Variants in SPATA6L observed in about 807,000 individuals in gnomAD.
The protein encoded by SPATA6L is spermatogenesis associated 6-like protein.
In SPATA6L, 68 loss-of-function variants were observed where a neutral mutation model predicts 49.2. That is an observed-to-expected ratio of 1.38 (90% confidence interval 1.14 to 1.69). The LOEUF is 1.69. Among genes scored for constraint, SPATA6L ranks in the 40% most tolerant of loss-of-function variants. The pLI is 0.00. For missense variants in SPATA6L, 668 were observed against 464.3 expected (o/e 1.44, Z -4.03); for synonymous variants, 198 against 165.7 (o/e 1.19, Z -1.50).
At position 4,661,884 on chromosome 9, in the gene SPATA6L, G is replaced by C. The variant is rs768312601; in HGVS notation, c.177+15C>G. 6.8e-6 allele frequency: 11 copies of C among 1,612,708 alleles called. No homozygotes were observed. The highest frequency in any genetic ancestry group is 9.3e-6 in the Non-Finnish European group (11 of 1,179,206). On this transcript the variant is annotated intron_variant, in intron 2 of 11. Transcript: ENST00000682582. ...ATCTTCAGACAACAAAAGCCAATGA[G>C]AAAGTCAAGATCACCTTTTCAAATC...
At chr9:4,632,311 G>A (rs1057197970) in intron 4 of SPATA6L, among the ~76,000 whole-genome samples, 10 of 152,086 alleles carry the variant, frequency 6.6e-5, no homozygotes, top group African/African-American at 2.4e-4. Context: ...AGATGAAGCT[G>A]AAGGCCGGGC....
In SPATA6L at chr9:4,662,416, G is replaced by A. The variant is rs771158932; in HGVS notation, c.40-380C>T. 1.6e-5 allele frequency: 25 copies of A among 1,537,690 alleles called. No individual in the cohort carries two copies. Among genetic ancestry groups the A allele is most frequent in the African/African-American group, 1.1e-4 (8 of 72,810 alleles). Reference sequence around the variant, plus strand: ...AGGAGCATGGAGGGACGGCCGCTGGGCGTCTCCGCTTCGAGCAGCAGCAGC... The same window carrying A: ...AGGAGCATGGAGGGACGGCCGCTGGACGTCTCCGCTTCGAGCAGCAGCAGC... On this transcript the variant is annotated intron_variant, in intron 1 of 11. Transcript: ENST00000682582. This position sits in a 1 kb window ranked among gnomAD's most constrained non-coding sequence, Gnocchi z 4.9.
chr9:4,649,422 T>C (rs1836300699), intron 3 of SPATA6L, among the ~76,000 whole-genome samples: 1 of 152,230 alleles, frequency 6.6e-6, no homozygotes, highest in Non-Finnish European at 1.5e-5. Flanking sequence ...ATGGTCAGGC[T>C]CTAAATTCTA....
intron 3 of SPATA6L, among the ~76,000 whole-genome samples, chr9:4,654,690 G>A (rs981645991): frequency 6.6e-6 from 1 of 152,140 alleles, no homozygotes; most frequent in African/African-American, 2.4e-5. Context: ...TGGGCCACTC[G>A]GCAGCCCCGG....
At chr9:4,605,026 G>A (rs1824386662) in intron 10 of SPATA6L, among the ~76,000 whole-genome samples, 1 of 152,160 alleles carries the variant, frequency 6.6e-6, no homozygotes, top group Non-Finnish European at 1.5e-5. Flanking sequence ...GGAATGCTCT[G>A]TGGGCCACTT....
rs189495199 is a variant in SPATA6L, at chr9:4,648,510, C to A, written c.226+7531G>T. ...GTCAGGAGATCGAGACCATCCTGGT[C>A]TAACTCGGTGAAACCCCGTCTCTAC... On this transcript the variant is annotated intron_variant, in intron 3 of 11. Transcript: ENST00000682582. 9.5e-4 allele frequency among the ~76,000 whole-genome samples: 121 copies of A among 127,888 alleles called. 3 individuals are homozygous for A. The East Asian group carries it at 0.031, about 32-fold the overall frequency. The allele number at this position is 127,888 out of a possible 152,430, so 83.9% of individuals were successfully genotyped here.
chr9:4,649,481 T>C (rs766553041), intron 3 of SPATA6L, among the ~76,000 whole-genome samples: 8 of 152,228 alleles, frequency 5.3e-5, no homozygotes, highest in Non-Finnish European at 8.8e-5. Flanking sequence ...ATGCAATGGC[T>C]ATCCTCATTT....
intron 1 of SPATA6L, among the ~76,000 whole-genome samples, chr9:4,665,410 C>T (rs1260422541): frequency 6.6e-6 from 1 of 152,180 alleles, no homozygotes; most frequent in Admixed American, 6.5e-5. Context: ...TATTTGCTGT[C>T]AGCAAAGTGG....
At chr9:4,648,101 T>C (rs301477) in intron 3 of SPATA6L, among the ~76,000 whole-genome samples, 22,981 of 152,092 alleles carry the variant, frequency 0.15, 2,267 homozygotes, top group African/African-American at 0.28. Flanking sequence ...TCCCAAAGTG[T>C]TGGGATTACA....
intron 9 of SPATA6L, among the ~76,000 whole-genome samples, chr9:4,609,791 G>A (rs1446995460): frequency 6.6e-6 from 1 of 151,586 alleles, no homozygotes; most frequent in African/African-American, 2.4e-5. Context: ...GGAAGTTCTG[G>A]CCAGGGCAAT....
chr9:4,630,338 T>G (rs771000242), intron 4 of SPATA6L, among the ~76,000 whole-genome samples: 2 of 152,156 alleles, frequency 1.3e-5, no homozygotes, highest in Non-Finnish European at 1.5e-5. Context: ...AAAACAGGCC[T>G]AAAGAGACAT....
In SPATA6L at chr9:4,662,207, A is replaced by G. The variant is rs975948902; in HGVS notation, c.40-171T>C. 2 of 1,435,358 alleles carry G rather than the reference A, an allele frequency of 1.4e-6. No individual in the cohort carries two copies. Among genetic ancestry groups the G allele is most frequent in the Non-Finnish European group, 1.8e-6 (2 of 1,099,290 alleles). 88.9% of individuals were successfully genotyped at this position (1,435,358 alleles called of 1,614,324 possible). ...ACATCCTCCCCTCTGCTCTCCTCAC[A>G]TTGGAAATTCCAACTCCCTCCCACG... On this transcript the variant is annotated intron_variant, in intron 1 of 11. Transcript: ENST00000682582. The surrounding 1 kb of genome is among the most constrained non-coding windows in gnomAD (Gnocchi z 4.9).
intron 4 of SPATA6L, among the ~76,000 whole-genome samples, chr9:4,634,432 T>G (rs1336582773): frequency 2.6e-5 from 4 of 152,182 alleles, no homozygotes; most frequent in African/African-American, 9.6e-5. Flanking sequence ...AGGACAACCT[T>G]TAATGAATGC....
rs1821745175 is a variant in SPATA6L, at chr9:4,589,178, C to T, written c.*255-217G>A. ...CATGAAATAGGAATAAAAATTATTTCCTCACAGGACTGCTTTCAGCAGTCA... is the reference window on the plus strand; with the variant it reads ...CATGAAATAGGAATAAAAATTATTTTCTCACAGGACTGCTTTCAGCAGTCA... On this transcript the variant is annotated intron_variant and NMD_transcript_variant, in intron 13 of 13. Coordinates refer to the SPATA6L transcript ENST00000461761. 3.9e-5 allele frequency among the ~76,000 whole-genome samples: 6 copies of T among 152,348 alleles called. No individual in the cohort carries two copies. In the South Asian group the frequency reaches 1.2e-3, roughly 32 times the overall value.
chr9:4,609,370 T>G (rs1479846880), intron 9 of SPATA6L, among the ~76,000 whole-genome samples: 1 of 152,140 alleles, frequency 6.6e-6, no homozygotes, highest in Admixed American at 6.5e-5. Context: ...CCAATATCCT[T>G]GATGAACATT....
chr9:4,607,614 A>T (rs1825622617), intron 9 of SPATA6L, among the ~76,000 whole-genome samples: 1 of 152,086 alleles, frequency 6.6e-6, no homozygotes, highest in Non-Finnish European at 1.5e-5. Flanking sequence ...TGTCACCACC[A>T]GGCCTGCCCT....
chr9:4,656,831 CTGAA>C (rs1208131028), intron 2 of SPATA6L, among the ~76,000 whole-genome samples: 3 of 152,182 alleles, frequency 2.0e-5, no homozygotes, highest in African/African-American at 7.2e-5. Context: ...TAAATGTTAA[CTGAA>C]TGAATGGTTT....
chr9:4,631,024 T>C (rs1206692788), intron 4 of SPATA6L, among the ~76,000 whole-genome samples: 2 of 152,232 alleles, frequency 1.3e-5, no homozygotes, highest in Non-Finnish European at 2.9e-5. Flanking sequence ...TGATCGACTT[T>C]GCCCAGAGTG....
At chr9:4,612,999 G>C (rs1345321841) in intron 9 of SPATA6L, among the ~76,000 whole-genome samples, 1 of 152,076 alleles carries the variant, frequency 6.6e-6, no homozygotes, top group East Asian at 1.9e-4. Flanking sequence ...AGGCTGAGGC[G>C]GGCGGATCTC....
Sources: allele counts gnomAD v4.1 joint callset (sites outside exome capture counted in the v4.1 genomes callset), GRCh38; gene constraint gnomAD v4.1.1; non-coding constraint Gnocchi (gnomAD v3.1); transcripts MANE v1.5; gene names NCBI Gene and HGNC (gene_info 2026-07-23, HGNC 2026-07-21).